DYM: variants seen among roughly 807,000 people sequenced by gnomAD.
The protein encoded by DYM is dyggve-Melchior-Clausen syndrome protein.
DYM carries 78 observed loss-of-function variants against 93.1 expected under a neutral mutation model. The observed-to-expected ratio is 0.84, with a 90% CI of 0.70 to 1.01. The LOEUF (loss-of-function observed/expected upper bound fraction) is 1.01, where lower values mean the gene tolerates loss of function less well. DYM is among the 50% of genes least tolerant of loss of function. The probability of loss-of-function intolerance (pLI) is 0.00; values close to 1 mark genes in which losing one functional copy is unlikely to be tolerated. For synonymous variants in DYM, 321 were observed against 319.7 expected (o/e 1.00, Z -0.04); for missense variants, 789 against 845.0 (o/e 0.93, Z 0.82).
intron 2 of DYM, among the ~76,000 whole-genome samples, chr18:49,427,571 T>C (rs1310860423): frequency 6.6e-6 from 1 of 151,436 alleles, no homozygotes; most frequent in Non-Finnish European, 1.5e-5. Flanking sequence ...GGTGTGATAA[T>C]GGTATTATGG....
At position 49,265,138 on chromosome 18, in the gene DYM, G is replaced by A. The variant is rs529133281; in HGVS notation, c.1252-6645C>T. On this transcript the variant is annotated intron_variant, in intron 11 of 17. Coordinates refer to ENST00000675505, the MANE Select transcript of DYM (RefSeq NM_001353214.3). Reference sequence around the variant, plus strand: ...ATATATGTGCTATAAATCGCAGGCTGTCCCATGGTAACATGTGGTAAAAAA... The same window carrying A: ...ATATATGTGCTATAAATCGCAGGCTATCCCATGGTAACATGTGGTAAAAAA... Among the ~76,000 whole-genome samples the A allele has an allele frequency of 2.6e-5, 4 of 152,268 alleles. No homozygotes were observed. In the East Asian group the frequency reaches 7.7e-4, roughly 29 times the overall value.
intron 17 of DYM, among the ~76,000 whole-genome samples, chr18:49,065,487 C>T (rs983710001): frequency 8.8e-4 from 134 of 152,260 alleles, no homozygotes; most frequent in African/African-American, 3.0e-3. Context: ...CTCACCCTCC[C>T]GAGTAGCTGG....
chr18:49,186,333 TTTC>T (rs1467008062), intron 14 of DYM, among the ~76,000 whole-genome samples: 3 of 152,182 alleles, frequency 2.0e-5, no homozygotes, highest in Non-Finnish European at 4.4e-5. Context: ...CACAACTTTT[TTTC>T]TTGTCTTTAA....
chr18:49,437,804 C>T (rs2080993153), intron 1 of DYM, among the ~76,000 whole-genome samples: 1 of 152,204 alleles, frequency 6.6e-6, no homozygotes, highest in African/African-American at 2.4e-5. Flanking sequence ...TTGCATCTCT[C>T]TTGCCGTGAA....
At chr18:49,287,785 C>T (rs968183298) in intron 8 of DYM, among the ~76,000 whole-genome samples, 2 of 128,654 alleles carry the variant, frequency 1.6e-5, no homozygotes, top group African/African-American at 3.0e-5. Flanking sequence ...GCAGAGGTTG[C>T]GGTGAGCTGA....
intron 15 of DYM, among the ~76,000 whole-genome samples, chr18:49,128,518 A>T (rs2083052768): frequency 6.6e-6 from 1 of 152,122 alleles, no homozygotes. Flanking sequence ...TCTCATCCCA[A>T]ATCTGAGATC....
At chr18:49,264,088 T>C (rs578209984) in intron 11 of DYM, among the ~76,000 whole-genome samples, 59 of 144,560 alleles carry the variant, frequency 4.1e-4, no homozygotes, top group Admixed American at 3.5e-3. Flanking sequence ...TATCCTGAAA[T>C]TGGATGGGCG....
intron 13 of DYM, among the ~76,000 whole-genome samples, chr18:49,223,233 T>C (rs762565685): frequency 6.6e-6 from 1 of 152,116 alleles, no homozygotes; most frequent in African/African-American, 2.4e-5. Flanking sequence ...GTGAGTTGAA[T>C]AGTTAAAAAA....
intron 9 of DYM, among the ~76,000 whole-genome samples, chr18:49,283,485 T>C (rs2095043620): frequency 6.6e-6 from 1 of 152,084 alleles, no homozygotes; most frequent in Non-Finnish European, 1.5e-5. Context: ...ACAGCCTGTA[T>C]TAGGAAAAGT....
At chr18:49,360,402 A>G (rs1363662195) in intron 6 of DYM, among the ~76,000 whole-genome samples, 2 of 152,150 alleles carry the variant, frequency 1.3e-5, no homozygotes, top group Non-Finnish European at 2.9e-5. Context: ...AGGCGGGCAG[A>G]TCACAGGTCA....
At chr18:49,424,570 T>TAAAGGATATTCA (rs2074070874) in intron 2 of DYM, among the ~76,000 whole-genome samples, 2 of 151,880 alleles carry the variant, frequency 1.3e-5, no homozygotes, top group South Asian at 4.2e-4. Flanking sequence ...AAGAAAGAAA[T>TAAAGGATATTCA]AAAGGATATT....
At chr18:49,418,333 G>A (rs113915283) in intron 2 of DYM, among the ~76,000 whole-genome samples, 1,689 of 152,046 alleles carry the variant, frequency 0.011, 30 homozygotes, top group African/African-American at 0.039. Context: ...TATAAAATCA[G>A]TCATATAAGT....
chr18:49,144,411 T>C (rs2084861626), intron 15 of DYM, among the ~76,000 whole-genome samples: 1 of 152,194 alleles, frequency 6.6e-6, no homozygotes, highest in African/African-American at 2.4e-5. Context: ...TCACTAATGC[T>C]CAATGCTCGA....
chr18:49,300,438 A>G (rs1004855881), intron 8 of DYM, among the ~76,000 whole-genome samples: 4 of 151,922 alleles, frequency 2.6e-5, no homozygotes, highest in African/African-American at 9.7e-5. Context: ...CATCTCTACT[A>G]AAACACTAAA....
At chr18:49,405,686 T>C (rs1292501780) in intron 2 of DYM, among the ~76,000 whole-genome samples, 6 of 152,246 alleles carry the variant, frequency 3.9e-5, no homozygotes, top group Non-Finnish European at 8.8e-5. Flanking sequence ...TTGTTCTTTT[T>C]GCTTAGGATT....
At position 49,285,305 on chromosome 18, in the gene DYM, C is replaced by T. The variant is rs182206520; in HGVS notation, c.946+1129G>A. ...ATAAGAAATGTGTATCAGAATAACCCGGAAGAATCATGGCACAGCCCATCA... is the reference window on the plus strand; with the variant it reads ...ATAAGAAATGTGTATCAGAATAACCTGGAAGAATCATGGCACAGCCCATCA... On this transcript the variant is annotated intron_variant, in intron 9 of 17. Transcript: ENST00000675505. Among the ~76,000 whole-genome samples, 78 of 152,246 alleles carry T rather than the reference C, an allele frequency of 5.1e-4. 2 individuals are homozygous for T. In the South Asian group the frequency reaches 0.012, roughly 24 times the overall value.
At chr18:49,396,076 A>G (rs2070034494) in intron 2 of DYM, among the ~76,000 whole-genome samples, 1 of 152,118 alleles carries the variant, frequency 6.6e-6, no homozygotes, top group Non-Finnish European at 1.5e-5. Flanking sequence ...TGTACACACC[A>G]GCTCCCCTTC....
intron 2 of DYM, among the ~76,000 whole-genome samples, chr18:49,429,432 T>G (rs1218796332): frequency 6.6e-6 from 1 of 152,252 alleles, no homozygotes; most frequent in South Asian, 2.1e-4. Flanking sequence ...ATCTAGTTAT[T>G]GAGTGTATGG....
intron 14 of DYM, among the ~76,000 whole-genome samples, chr18:49,202,129 A>C (rs1470936300): frequency 2.0e-5 from 3 of 152,250 alleles, no homozygotes; most frequent in Non-Finnish European, 4.4e-5. Context: ...CACGTTGGGT[A>C]GTCCTATGAC....
Sources: allele counts gnomAD v4.1 joint callset (sites outside exome capture counted in the v4.1 genomes callset), GRCh38; gene constraint gnomAD v4.1.1; transcripts MANE v1.5; gene names NCBI Gene and HGNC (gene_info 2026-07-23, HGNC 2026-07-21).